ERBB4: variants seen among roughly 807,000 people sequenced by gnomAD.
The protein encoded by ERBB4 is receptor tyrosine-protein kinase erbB-4.
Under a neutral mutation model 158.0 loss-of-function variants are expected in ERBB4, and 42 were observed. The observed-to-expected ratio is 0.27, with a 90% CI of 0.21 to 0.34. The LOEUF is 0.34. Ranked by LOEUF, ERBB4 falls within the 10% of genes least tolerant of loss-of-function variation. ERBB4 has a pLI of 1.00. For missense variants in ERBB4, 1,333 were observed against 1,624.1 expected, an observed-to-expected ratio of 0.82 and a Z score of 3.08; for synonymous variants, 583 against 558.7, an observed-to-expected ratio of 1.04 and a Z score of -0.61.
chr2:211,486,985 TTTTC>T (rs1166861182), intron 20 of ERBB4, among the ~76,000 whole-genome samples: 1 of 151,866 alleles, frequency 6.6e-6, no homozygotes, highest in African/African-American at 2.4e-5. Context: ...AAATATGTTT[TTTTC>T]TTTTTTTTGT....
At chr2:212,280,768 T>C (rs2085727189) in intron 1 of ERBB4, among the ~76,000 whole-genome samples, 1 of 151,602 alleles carries the variant, frequency 6.6e-6, no homozygotes, top group African/African-American at 2.4e-5. Context: ...AGTAAAAGCA[T>C]CATGAATTGA....
chr2:211,937,782 T>C (rs2080368693), intron 3 of ERBB4, among the ~76,000 whole-genome samples: 1 of 152,160 alleles, frequency 6.6e-6, no homozygotes, highest in Admixed American at 6.5e-5. Flanking sequence ...ACCTGGTCCC[T>C]CCTATAACAC....
In ERBB4 at chr2:211,725,083, T is replaced by C. The variant is rs2074223581; in HGVS notation, c.734A>G (p.Asp245Gly). The change falls in exon 6 of 28, where the codon GAC becomes GGC. Residue 245 changes from aspartate (D) to glycine (G), a missense_variant. This residue lies in a region of ERBB4 where 438 missense variants were observed against 586.9 expected (regional missense o/e 0.75). Transcript: ENST00000342788. ...AGGCSGPKDT[D>G]CFACMNFNDS... ...GAGAAATCACAGACATACAAAGCAG[T>C]CTGTGTCCTTAGGTCCTGAGCAGCC... 2.5e-6 allele frequency: 4 copies of C among 1,605,896 alleles called. No homozygotes were observed. In the East Asian group the frequency reaches 8.9e-5, roughly 36 times the overall value.
intron 19 of ERBB4, among the ~76,000 whole-genome samples, chr2:211,568,341 C>G (rs1205360246): frequency 6.6e-6 from 1 of 152,106 alleles, no homozygotes; most frequent in Non-Finnish European, 1.5e-5. Context: ...TGTCAAGTCT[C>G]TAGCCACATA....
chr2:211,511,239 A>G (rs574010562), intron 20 of ERBB4, among the ~76,000 whole-genome samples: 7 of 152,194 alleles, frequency 4.6e-5, no homozygotes, highest in South Asian at 4.1e-4. Context: ...CTTCTTATAT[A>G]TTCAATATTA....
chr2:212,140,914 A>G (rs2080444085), intron 1 of ERBB4, among the ~76,000 whole-genome samples: 3 of 150,324 alleles, frequency 2.0e-5, no homozygotes, highest in Admixed American at 6.7e-5. Flanking sequence ...AGTTAATACC[A>G]TAATTTCTGT....
chr2:211,568,763 G>C (rs377081504), intron 19 of ERBB4, among the ~76,000 whole-genome samples: 47 of 152,206 alleles, frequency 3.1e-4, no homozygotes, highest in Middle Eastern at 3.4e-3. Flanking sequence ...ATTTGTGAGC[G>C]CTTGAAAGAA....
At chr2:212,374,546 C>A (rs1035682526) in intron 1 of ERBB4, among the ~76,000 whole-genome samples, 4 of 151,872 alleles carry the variant, frequency 2.6e-5, no homozygotes, top group African/African-American at 4.8e-5. Context: ...TCATTTTCCA[C>A]ATATCATTCA....
At chr2:211,730,370 G>A (rs1049670646) in intron 5 of ERBB4, among the ~76,000 whole-genome samples, 6 of 151,944 alleles carry the variant, frequency 3.9e-5, no homozygotes, top group South Asian at 2.1e-4. Flanking sequence ...ATCTCTGTTC[G>A]CCCGTTAACA....
intron 19 of ERBB4, among the ~76,000 whole-genome samples, chr2:211,607,324 G>A (rs965970192): frequency 1.3e-5 from 2 of 152,078 alleles, no homozygotes; most frequent in Non-Finnish European, 2.9e-5. Flanking sequence ...TCCAATATTA[G>A]CTGACCAGTA....
intron 3 of ERBB4, among the ~76,000 whole-genome samples, chr2:211,875,024 G>GCAAAAAAAAAA (rs2078456048): frequency 1.8e-4 from 1 of 5,598 alleles, no homozygotes; most frequent in Non-Finnish European, 3.4e-4. Flanking sequence ...AAATAGAAAT[G>GCAAAAAAAAAA]CAAAAAAAAA....
intron 3 of ERBB4, among the ~76,000 whole-genome samples, chr2:211,856,679 G>A (rs867895280): frequency 2.6e-5 from 4 of 152,058 alleles, no homozygotes; most frequent in African/African-American, 4.8e-5. Flanking sequence ...GAGCCACTGC[G>A]CCCAGCCTAG....
At chr2:211,755,430 A>T (rs2075268455) in intron 4 of ERBB4, among the ~76,000 whole-genome samples, 1 of 152,184 alleles carries the variant, frequency 6.6e-6, no homozygotes, top group Admixed American at 6.5e-5. Context: ...GGAACCTGGG[A>T]GGCGAAGGTT....
intron 1 of ERBB4, among the ~76,000 whole-genome samples, chr2:212,445,341 G>C (rs1368355425): frequency 6.6e-6 from 1 of 152,152 alleles, no homozygotes; most frequent in Non-Finnish European, 1.5e-5. Flanking sequence ...ATTAACCCCA[G>C]TGATCCACTA....
At chr2:212,355,252 A>G (rs1032912878) in intron 1 of ERBB4, among the ~76,000 whole-genome samples, 4 of 152,080 alleles carry the variant, frequency 2.6e-5, no homozygotes, top group African/African-American at 9.7e-5. Context: ...TAAAATTATC[A>G]AGAATAATAA....
intron 3 of ERBB4, among the ~76,000 whole-genome samples, chr2:211,857,277 C>T (rs1268157879): frequency 6.6e-6 from 1 of 152,042 alleles, no homozygotes; most frequent in Admixed American, 6.6e-5. Context: ...GGCAGTCACA[C>T]TTAAATTCCT....
chr2:212,137,370 C>A (rs868226894), intron 1 of ERBB4, among the ~76,000 whole-genome samples: 84 of 152,134 alleles, frequency 5.5e-4, no homozygotes, highest in African/African-American at 1.9e-3. Context: ...CTGTTCCCCT[C>A]TGTGTGTCCA....
intron 4 of ERBB4, among the ~76,000 whole-genome samples, chr2:211,753,279 G>GA (rs34015788): frequency 0.57 from 83,456 of 147,530 alleles, 24,682 homozygotes; most frequent in Non-Finnish European, 0.67. Context: ...GCCTAGCATA[G>GA]AAAAAAAAAA....
intron 2 of ERBB4, among the ~76,000 whole-genome samples, chr2:212,093,437 C>A (rs1213599796): frequency 6.6e-6 from 1 of 152,096 alleles, no homozygotes; most frequent in East Asian, 1.9e-4. Flanking sequence ...GCAAGATGAA[C>A]CTCGAACCTA....
Sources: allele counts gnomAD v4.1 joint callset (sites outside exome capture counted in the v4.1 genomes callset), GRCh38; gene constraint gnomAD v4.1.1; regional missense constraint gnomAD v4.1.1; transcripts MANE v1.5; gene names NCBI Gene and HGNC (gene_info 2026-07-23, HGNC 2026-07-21).